The following SLC30A9 variants were observed in gnomAD, a reference collection of about 807,000 sequenced individuals.
SLC30A9 encodes the protein solute carrier family 30 member 9, also known as proton-coupled zinc antiporter SLC30A9, mitochondrial.
SLC30A9 carries 58 observed loss-of-function variants against 87.5 expected under a neutral mutation model. The ratio of observed to expected loss-of-function variants is 0.66; its 90% confidence interval spans 0.54 to 0.82. The LOEUF is 0.82. SLC30A9 is among the 40% of genes least tolerant of loss of function. The probability of loss-of-function intolerance (pLI) is 0.00; values close to 1 mark genes in which losing one functional copy is unlikely to be tolerated. For synonymous variants in SLC30A9, 234 were observed against 233.0 expected, an observed-to-expected ratio of 1.00 and a Z score of -0.04; for missense variants, 557 against 679.1, an observed-to-expected ratio of 0.82 and a Z score of 2.00.
intron 1 of SLC30A9, among the ~76,000 whole-genome samples, chr4:42,000,564 A>T (rs1485550195): frequency 6.6e-6 from 1 of 152,100 alleles, no homozygotes; most frequent in Non-Finnish European, 1.5e-5. Context: ...CAAGAAAATA[A>T]GTTCTAGGCC....
chr4:42,028,043 G>A (rs1362439642), intron 6 of SLC30A9, among the ~76,000 whole-genome samples: 1 of 152,210 alleles, frequency 6.6e-6, no homozygotes, highest in Non-Finnish European at 1.5e-5. Flanking sequence ...TGAGGAGTGA[G>A]TGCTGAGTTT....
chr4:42,051,497 T>A (rs1483534593), intron 9 of SLC30A9, among the ~76,000 whole-genome samples: 2 of 152,128 alleles, frequency 1.3e-5, no homozygotes, highest in Non-Finnish European at 2.9e-5. Flanking sequence ...AACAGCTATT[T>A]CAAGTACAGT....
Position 42,023,317 on chromosome 4 carries a change from G to A in SLC30A9, c.543G>A (p.Trp181Ter), listed in dbSNP as rs1412346108. 1 of 1,613,372 alleles carries A rather than the reference G, an allele frequency of 6.2e-7. No homozygotes were observed. Among genetic ancestry groups the A allele is most frequent in the Non-Finnish European group, 8.5e-7 (1 of 1,179,304 alleles). Residue 181 changes from tryptophan to a stop codon, truncating the protein, a stop_gained, in exon 6 of 18, where the codon TGG becomes TGA. Coordinates refer to ENST00000264451, the MANE Select transcript of SLC30A9 (RefSeq NM_006345.4). LOFTEE classifies it high-confidence loss of function. Reference sequence around the variant, plus strand: ...GTATGCACAGATCTTTGGAAGTTTGGGGAAGCCCTGAAGCTCTTGCCAGAG... The same window carrying A: ...GTATGCACAGATCTTTGGAAGTTTGAGGAAGCCCTGAAGCTCTTGCCAGAG... ...SDVEAKSLEV[W>*]GSPEALAREK...
chr4:42,011,796 A>G (rs1715457014), intron 2 of SLC30A9, among the ~76,000 whole-genome samples: 1 of 152,204 alleles, frequency 6.6e-6, no homozygotes, highest in African/African-American at 2.4e-5. Context: ...TTTGAAACAC[A>G]AACTTGCAGA....
At position 42,020,989 on chromosome 4, in the gene SLC30A9, A is replaced by T. The variant is rs150656549; in HGVS notation, c.434+474A>T. On this transcript the variant is annotated intron_variant, in intron 4 of 17. Coordinates refer to ENST00000264451, the MANE Select transcript of SLC30A9 (RefSeq NM_006345.4). The stretch of plus-strand genomic sequence containing the variant: ...CTACTTTCCAATATCTGTTATTATT[A>T]ATTTTCTCATATTTATATTTATTGA... Among the ~76,000 whole-genome samples, 99 of 152,250 alleles carry T rather than the reference A, an allele frequency of 6.5e-4. 2 individuals carry two copies. Among genetic ancestry groups the T allele is most frequent in the African/African-American group, 1.8e-3 (74 of 41,564 alleles).
intron 1 of SLC30A9, among the ~76,000 whole-genome samples, chr4:41,993,561 T>G (rs924316645): frequency 6.6e-6 from 1 of 152,226 alleles, no homozygotes; most frequent in Non-Finnish European, 1.5e-5. Context: ...GTTTTACTTC[T>G]CACTGCCTAT....
intron 6 of SLC30A9, 139 bp from the exon 7 acceptor site, chr4:42,035,136 C>A: frequency 1.3e-6 from 1 of 775,460 alleles, no homozygotes; most frequent in Non-Finnish European, 2.0e-6. Context: ...GTTTACAAAT[C>A]CAAATTTTTT....
Position 42,075,193 on chromosome 4 carries a change from C to T in SLC30A9, c.1419-464C>T, listed in dbSNP as rs1718501975. On this transcript the variant is annotated intron_variant, in intron 15 of 17. Coordinates refer to ENST00000264451, the MANE Select transcript of SLC30A9 (RefSeq NM_006345.4). ...GGTTCAAGCAATTCTCCTGTCTCAG[C>T]CTCCTGAGTAGCTGGGATTACAGGC... 2.0e-5 allele frequency among the ~76,000 whole-genome samples: 3 copies of T among 148,012 alleles called. No individual in the cohort carries two copies. The South Asian group carries it at 6.4e-4, about 32-fold the overall frequency.
At chr4:42,060,312 C>A in intron 10 of SLC30A9, 66 bp downstream of exon 10, 2 of 1,202,426 alleles carry the variant, frequency 1.7e-6, no homozygotes, top group Non-Finnish European at 2.5e-6. Context: ...AACTAAATAT[C>A]AGAAATCTCC....
At chr4:41,994,008 C>T (rs772738867) in intron 1 of SLC30A9, among the ~76,000 whole-genome samples, 4 of 151,890 alleles carry the variant, frequency 2.6e-5, no homozygotes, top group African/African-American at 7.3e-5. Context: ...AATACAAAAA[C>T]TAGCTGGGCA....
chr4:42,032,206 A>T (rs1230824958), intron 6 of SLC30A9, among the ~76,000 whole-genome samples: 1 of 150,926 alleles, frequency 6.6e-6, no homozygotes, highest in Non-Finnish European at 1.5e-5. Flanking sequence ...CCCATGACCC[A>T]GTTACCCCCC....
At chr4:42,064,750 C>T (rs1718014756) in intron 11 of SLC30A9, among the ~76,000 whole-genome samples, 1 of 152,146 alleles carries the variant, frequency 6.6e-6, no homozygotes, top group African/African-American at 2.4e-5. Context: ...TTCCATTAGA[C>T]TATGGCCCTT....
At chr4:41,995,777 A>C (rs1344832185) in intron 1 of SLC30A9, among the ~76,000 whole-genome samples, 1 of 152,240 alleles carries the variant, frequency 6.6e-6, no homozygotes, top group Admixed American at 6.5e-5. Flanking sequence ...TGACAGGATC[A>C]CAGCTCACCG....
chr4:42,083,713 A>G (rs1718820188), intron 17 of SLC30A9, among the ~76,000 whole-genome samples: 1 of 152,166 alleles, frequency 6.6e-6, no homozygotes, highest in Admixed American at 6.6e-5. Flanking sequence ...ATATTAGGAT[A>G]GGTAAGGGTT....
At chr4:42,075,937 A>T (rs1718529882) in intron 16 of SLC30A9, 151 bp downstream of exon 16, 1 of 661,878 alleles carries the variant, frequency 1.5e-6, no homozygotes. Flanking sequence ...TATATTTACT[A>T]TGGAGGGGTT....
intron 6 of SLC30A9, among the ~76,000 whole-genome samples, chr4:42,032,044 A>G (rs1716465447): frequency 6.6e-6 from 1 of 152,226 alleles, no homozygotes; most frequent in Non-Finnish European, 1.5e-5. Context: ...GCGGAAGGCA[A>G]AGATGGAACA....
At chr4:42,068,782 G>T (rs181943460) in intron 14 of SLC30A9, among the ~76,000 whole-genome samples, 3,597 of 145,462 alleles carry the variant, frequency 0.025, 151 homozygotes, top group African/African-American at 0.083. Context: ...AGCTAATTAA[G>T]TGTTTTGAGG....
At chr4:42,033,871 G>A (rs1046777842) in intron 6 of SLC30A9, among the ~76,000 whole-genome samples, 1 of 152,036 alleles carries the variant, frequency 6.6e-6, no homozygotes, top group Non-Finnish European at 1.5e-5. Context: ...CACCGTGCCC[G>A]GCTGCTCTTG....
chr4:42,010,559 C>T (rs1715395785), intron 2 of SLC30A9, among the ~76,000 whole-genome samples: 1 of 152,106 alleles, frequency 6.6e-6, no homozygotes, highest in Non-Finnish European at 1.5e-5. Context: ...AAACAATTGC[C>T]AAGAAATATA....
Sources: gnomAD v4.1 joint callset for allele counts (sites outside exome capture counted in the v4.1 genomes callset) on GRCh38, gnomAD v4.1.1 for gene constraint, MANE v1.5 for transcripts, NCBI Gene and HGNC (gene_info 2026-07-23, HGNC 2026-07-21) for gene names.